The following SLC4A5 variants were observed in gnomAD, a reference collection of about 807,000 sequenced individuals.
The protein encoded by SLC4A5 is solute carrier family 4 member 5.
In SLC4A5, 96 loss-of-function variants were observed where a neutral mutation model predicts 120.4. The ratio of observed to expected loss-of-function variants is 0.80; its 90% CI spans 0.68 to 0.94. The LOEUF (loss-of-function observed/expected upper bound fraction) is 0.94. SLC4A5 is among the 40% of genes least tolerant of loss of function. The probability of loss-of-function intolerance (pLI) is 0.00; values close to 1 mark genes in which losing one functional copy is unlikely to be tolerated. For missense variants in SLC4A5, 1,259 were observed against 1,459.5 expected (o/e 0.86, Z 2.24); for synonymous variants, 550 against 571.1 (o/e 0.96, Z 0.53).
At chr2:74,247,175 G>A in exon 19 of SLC4A5, 1 of 1,614,232 alleles carries the variant, frequency 6.2e-7, no homozygotes, top group Non-Finnish European at 8.5e-7. Flanking sequence ...TAAGGGTGGA[G>A]AAGCCCTCCT....
In SLC4A5 at chr2:74,290,731, A is replaced by T. The variant is rs3821302; in HGVS notation, c.272-4829T>A. 4.5e-5 allele frequency: 44 copies of T among 985,804 alleles called. No individual in the cohort carries two copies. In the East Asian group the frequency reaches 3.6e-3, roughly 81 times the overall value. The allele number at this position is 985,804 out of a possible 1,614,324, so 61.1% of individuals were successfully genotyped here. A position where few individuals can be genotyped will look rare whatever the true frequency, so the allele number is the denominator to read the frequency against. ...AGAGAGAGAAAGGCTCAGTGGCTGC[A>T]GCAGAACCTCAAGCAGGAAGCCGGG... On this transcript the variant is annotated intron_variant, in intron 7 of 30. Coordinates refer to ENST00000394019, the Ensembl canonical transcript of SLC4A5.
At chr2:74,245,296 G>T (rs1214121107) in intron 19 of SLC4A5, among the ~76,000 whole-genome samples, 6 of 152,184 alleles carry the variant, frequency 3.9e-5, no homozygotes, top group Non-Finnish European at 5.9e-5. Context: ...TCCAGCCTGG[G>T]CGACAGAGTC....
At chr2:74,258,949 G>A (rs1671051953) in intron 12 of SLC4A5, among the ~76,000 whole-genome samples, 1 of 152,130 alleles carries the variant, frequency 6.6e-6, no homozygotes, top group Non-Finnish European at 1.5e-5. Context: ...TACTCCTGGG[G>A]AGATAGACAA....
exon 8 of SLC4A5, chr2:74,285,821 T>A (rs747490908): frequency 1.9e-5 from 30 of 1,612,660 alleles, no homozygotes; most frequent in Non-Finnish European, 2.4e-5. Flanking sequence ...CTGCAGAGTA[T>A]CCATCTCTGT....
At chr2:74,293,075 G>C (rs571290725) in intron 7 of SLC4A5, among the ~76,000 whole-genome samples, 1 of 151,776 alleles carries the variant, frequency 6.6e-6, no homozygotes, top group Non-Finnish European at 1.5e-5. Context: ...GAAGCAGAGG[G>C]GGCAGGGATG....
chr2:74,326,500 C>A (rs1488833867), intron 5 of SLC4A5, among the ~76,000 whole-genome samples: 1 of 152,158 alleles, frequency 6.6e-6, no homozygotes, highest in Non-Finnish European at 1.5e-5. Flanking sequence ...ATCTGGGATC[C>A]CTGAGAATCC....
chr2:74,218,070 C>A (rs1176017966), exon 31 of SLC4A5: 1 of 152,254 alleles, frequency 6.6e-6, no homozygotes, highest in Non-Finnish European at 1.5e-5. Flanking sequence ...TCCCAAAGTG[C>A]TAGGATTACA....
At chr2:74,238,192 A>C (rs1670331483) in intron 21 of SLC4A5, among the ~76,000 whole-genome samples, 1 of 152,170 alleles carries the variant, frequency 6.6e-6, no homozygotes, top group South Asian at 2.1e-4. Flanking sequence ...TAACTCTAAC[A>C]AAAAATGTTC....
At chr2:74,334,839 G>A (rs1673444121) in intron 3 of SLC4A5, among the ~76,000 whole-genome samples, 1 of 151,984 alleles carries the variant, frequency 6.6e-6, no homozygotes, top group African/African-American at 2.4e-5. Context: ...TCAATGTCTG[G>A]CCCACAGGGA....
exon 22 of SLC4A5, chr2:74,235,185 A>G: frequency 6.2e-7 from 1 of 1,614,096 alleles, no homozygotes; most frequent in South Asian, 1.1e-5. Flanking sequence ...TGGAGAAAAC[A>G]ATGGAAAAGT....
intron 10 of SLC4A5, among the ~76,000 whole-genome samples, chr2:74,263,774 T>G (rs1326139850): frequency 1.3e-5 from 2 of 152,224 alleles, no homozygotes; most frequent in South Asian, 2.1e-4. Context: ...TTCCCAATGC[T>G]GTGTGACATA....
intron 12 of SLC4A5, among the ~76,000 whole-genome samples, chr2:74,258,499 G>C (rs1169324440): frequency 1.3e-5 from 2 of 152,218 alleles, no homozygotes; most frequent in African/African-American, 2.4e-5. Flanking sequence ...CTGTCTGTAT[G>C]CATGAGTAAA....
chr2:74,318,577 T>C (rs1332351948), intron 5 of SLC4A5, among the ~76,000 whole-genome samples: 5 of 151,526 alleles, frequency 3.3e-5, no homozygotes, highest in Non-Finnish European at 7.4e-5. Flanking sequence ...TCCCAGATAC[T>C]CAGGAGGCTG....
In SLC4A5 at chr2:74,329,841, G is replaced by A. The variant is rs551741549; in HGVS notation, c.-69-1655C>T. On this transcript the variant is annotated intron_variant, in intron 4 of 30. Coordinates refer to ENST00000394019, the Ensembl canonical transcript of SLC4A5. ...GTGAGGTGTAGATGGGGGGTGAAGT[G>A]TAGATGGAAATGTGATATGTGAATG... Among the ~76,000 whole-genome samples the A allele has an allele frequency of 9.2e-5, 14 of 151,466 alleles. 1 individual carries two copies. The East Asian group carries it at 2.7e-3, about 29-fold the overall frequency.
intron 5 of SLC4A5, among the ~76,000 whole-genome samples, chr2:74,317,427 T>C (rs1672995960): frequency 6.6e-6 from 1 of 152,058 alleles, no homozygotes; most frequent in Non-Finnish European, 1.5e-5. Flanking sequence ...TTCTCAAAGA[T>C]AGAAATAGGA....
chr2:74,327,906 C>T lies in SLC4A5; in HGVS notation c.-3+214G>A, dbSNP rs77721214. Among the ~76,000 whole-genome samples, 54 of 152,270 alleles carry T rather than the reference C, an allele frequency of 3.5e-4. 2 individuals are homozygous for T. The East Asian group carries it at 8.9e-3, about 25-fold the overall frequency. ...TTTGGAGTGGTTTTGCACCCAAAAA[C>T]CTCAAGGCCAGGGTGATAAAAACAG... On this transcript the variant is annotated intron_variant, in intron 5 of 30. Transcript: ENST00000394019.
intron 20 of SLC4A5, among the ~76,000 whole-genome samples, chr2:74,240,183 T>C (rs934103260): frequency 2.0e-5 from 3 of 151,982 alleles, no homozygotes; most frequent in African/African-American, 7.3e-5. Context: ...GCTTTTCCTC[T>C]CTTGCCCTTC....
chr2:74,290,113 C>T (rs919924247), intron 7 of SLC4A5: 34 of 983,480 alleles, frequency 3.5e-5, no homozygotes, highest in Non-Finnish European at 3.9e-5. Flanking sequence ...GGCCCCTGTG[C>T]CTGCCATTCC....
At chr2:74,315,416 G>A (rs377416273) in intron 5 of SLC4A5, among the ~76,000 whole-genome samples, 1 of 149,692 alleles carries the variant, frequency 6.7e-6, no homozygotes. Context: ...TACCAGCCGG[G>A]GGAACAGAGC....
Sources: gnomAD v4.1 joint callset for allele counts (sites outside exome capture counted in the v4.1 genomes callset) on GRCh38, gnomAD v4.1.1 for gene constraint, MANE v1.5 for transcripts, NCBI Gene and HGNC (gene_info 2026-07-23, HGNC 2026-07-21) for gene names.